Variants in GPC6 observed in about 807,000 individuals in gnomAD.
GPC6 encodes glypican 6, also known as glypican-6.
GPC6 carries 14 observed loss-of-function variants against 55.2 expected under a neutral mutation model. That is an observed-to-expected ratio of 0.25 (90% CI 0.17 to 0.40). The LOEUF (loss-of-function observed/expected upper bound fraction) is 0.40, where lower values mean the gene tolerates loss of function less well. Ranked by LOEUF, GPC6 falls within the 10% of genes least tolerant of loss-of-function variation. The pLI is 1.00. For missense variants in GPC6, 641 were observed against 708.5 expected, an observed-to-expected ratio of 0.90 and a Z score of 1.08; for synonymous variants, 278 against 259.6, an observed-to-expected ratio of 1.07 and a Z score of -0.68.
chr13:93,623,592 G>C (rs1309870729), intron 2 of GPC6, among the ~76,000 whole-genome samples: 1 of 151,010 alleles, frequency 6.6e-6, no homozygotes, highest in Non-Finnish European at 1.5e-5. Flanking sequence ...CCAAGTAGTT[G>C]GAATTACAGG....
At chr13:93,713,871 G>A (rs1883156235) in intron 2 of GPC6, among the ~76,000 whole-genome samples, 1 of 151,368 alleles carries the variant, frequency 6.6e-6, no homozygotes, top group African/African-American at 2.4e-5. Flanking sequence ...GCATTAAAAA[G>A]GCAGGATCTC....
At chr13:94,320,431 G>T (rs9584212) in intron 6 of GPC6, among the ~76,000 whole-genome samples, 56,269 of 151,806 alleles carry the variant, frequency 0.37, 10,820 homozygotes, top group African/African-American at 0.45. Flanking sequence ...ATGTTTTCTT[G>T]GTTTCTGTTG....
chr13:93,543,363 A>G (rs1882406815), intron 1 of GPC6, among the ~76,000 whole-genome samples: 1 of 152,154 alleles, frequency 6.6e-6, no homozygotes. Flanking sequence ...CTTGCATCCC[A>G]GGAATGAAGC....
chr13:94,020,142 A>G (rs1356889014), intron 3 of GPC6, among the ~76,000 whole-genome samples: 1 of 152,188 alleles, frequency 6.6e-6, no homozygotes, highest in Non-Finnish European at 1.5e-5. Flanking sequence ...TTCTCTTTTA[A>G]CATAGGCATT....
intron 3 of GPC6, among the ~76,000 whole-genome samples, chr13:94,008,147 C>T (rs1419349014): frequency 2.0e-5 from 3 of 152,112 alleles, no homozygotes; most frequent in Non-Finnish European, 2.9e-5. Context: ...TCACATCTCT[C>T]ACACATACTC....
chr13:93,519,730 A>G (rs749992622), intron 1 of GPC6, among the ~76,000 whole-genome samples: 18 of 151,986 alleles, frequency 1.2e-4, no homozygotes, highest in Admixed American at 4.6e-4. Flanking sequence ...TAGAGCCTAA[A>G]TAGATGAGGC....
At chr13:94,082,656 A>G (rs1321807417) in intron 4 of GPC6, among the ~76,000 whole-genome samples, 4 of 152,052 alleles carry the variant, frequency 2.6e-5, no homozygotes, top group African/African-American at 9.7e-5. Flanking sequence ...CTGCCCTACT[A>G]CATGCCTTTT....
intron 1 of GPC6, among the ~76,000 whole-genome samples, chr13:93,282,247 C>T (rs1413301429): frequency 2.0e-5 from 3 of 152,060 alleles, no homozygotes; most frequent in Non-Finnish European, 4.4e-5. Flanking sequence ...GTGAAAGAAA[C>T]AAAAATTCCT....
intron 4 of GPC6, among the ~76,000 whole-genome samples, chr13:94,169,685 C>T (rs929526907): frequency 2.6e-5 from 4 of 152,058 alleles, no homozygotes; most frequent in African/African-American, 7.2e-5. Flanking sequence ...GTATCCCTTG[C>T]GGGATCCTGA....
chr13:93,910,562 G>C (rs1455364980), intron 3 of GPC6, among the ~76,000 whole-genome samples: 2 of 152,018 alleles, frequency 1.3e-5, no homozygotes, highest in African/African-American at 2.4e-5. Context: ...AAATCACTTG[G>C]TATATTTTTA....
chr13:93,930,973 T>C (rs1175718662), intron 3 of GPC6, among the ~76,000 whole-genome samples: 1 of 151,928 alleles, frequency 6.6e-6, no homozygotes, highest in Non-Finnish European at 1.5e-5. Context: ...GCTGGAGCAA[T>C]GTGGGTGGAG....
At chr13:93,341,762 T>G (rs1880263482) in intron 1 of GPC6, among the ~76,000 whole-genome samples, 1 of 151,906 alleles carries the variant, frequency 6.6e-6, no homozygotes, top group South Asian at 2.1e-4. Flanking sequence ...ATTTATTTAT[T>G]TTTGTGTTTT....
intron 1 of GPC6, among the ~76,000 whole-genome samples, chr13:93,257,855 C>T (rs1230272262): frequency 1.3e-5 from 2 of 152,164 alleles, no homozygotes; most frequent in Admixed American, 1.3e-4. Context: ...TTTCTCAAAT[C>T]ATTGAGCTAC....
At chr13:94,222,369 T>C (rs2139002650) in intron 4 of GPC6, among the ~76,000 whole-genome samples, 1 of 152,218 alleles carries the variant, frequency 6.6e-6, no homozygotes, top group East Asian at 1.9e-4. Context: ...GAAGCAAAGA[T>C]CCAAGGATTT....
chr13:94,110,986 T>A (rs1026188056), intron 4 of GPC6, among the ~76,000 whole-genome samples: 2 of 152,144 alleles, frequency 1.3e-5, no homozygotes, highest in African/African-American at 4.8e-5. Flanking sequence ...CTTAGCTCTT[T>A]ATGAGTTTTA....
chr13:94,028,209 G>A (rs1032705867), intron 4 of GPC6, among the ~76,000 whole-genome samples: 4 of 151,984 alleles, frequency 2.6e-5, no homozygotes, highest in African/African-American at 9.7e-5. Context: ...AGGCTACAGT[G>A]AGCTGTGATT....
chr13:93,562,237 C>T (rs1281607788), intron 2 of GPC6, among the ~76,000 whole-genome samples: 2 of 151,978 alleles, frequency 1.3e-5, no homozygotes, highest in Non-Finnish European at 2.9e-5. Flanking sequence ...AGTTACAGAG[C>T]CGGGCGTGGG....
chr13:93,713,796 T>C (rs535102981), intron 2 of GPC6, among the ~76,000 whole-genome samples: 8 of 151,734 alleles, frequency 5.3e-5, no homozygotes, highest in Non-Finnish European at 1.2e-4. Flanking sequence ...TCAGCAACAC[T>C]TATTCTACAT....
At chr13:93,521,037 G>A (rs993210961) in intron 1 of GPC6, among the ~76,000 whole-genome samples, 5 of 151,810 alleles carry the variant, frequency 3.3e-5, no homozygotes, top group Admixed American at 3.3e-4. Context: ...ATTATCAATG[G>A]AAATGTACAC....
Sources: allele counts gnomAD v4.1 joint callset (sites outside exome capture counted in the v4.1 genomes callset), GRCh38; gene constraint gnomAD v4.1.1; transcripts MANE v1.5; gene names NCBI Gene and HGNC (gene_info 2026-07-23, HGNC 2026-07-21).